PCNX4: variants seen among roughly 807,000 people sequenced by gnomAD.
The protein encoded by PCNX4 is pecanex 4.
In PCNX4, 103 loss-of-function variants were observed where a neutral mutation model predicts 107.2. That is an observed-to-expected ratio of 0.96 (90% confidence interval 0.82 to 1.13). The LOEUF is 1.13. PCNX4 is among the 50% of genes most tolerant of loss of function. The probability of loss-of-function intolerance (pLI) is 0.00; values close to 1 mark genes in which losing one functional copy is unlikely to be tolerated. For missense variants in PCNX4, 1,528 were observed against 1,379.4 expected (o/e 1.11, Z -1.71); for synonymous variants, 541 against 481.7 (o/e 1.12, Z -1.61).
chr14:60,117,367 A>T (rs75827170), intron 6 of PCNX4, among the ~76,000 whole-genome samples: 1 of 152,148 alleles, frequency 6.6e-6, no homozygotes, highest in African/African-American at 2.4e-5. Context: ...ACAGATGCCT[A>T]TGGTATTGAG....
chr14:60,132,493 G>A (rs1239677306), intron 10 of PCNX4, among the ~76,000 whole-genome samples: 2 of 152,074 alleles, frequency 1.3e-5, no homozygotes, highest in Middle Eastern at 3.4e-3. Flanking sequence ...AAACATAAGA[G>A]CCATAAAAAA....
At chr14:60,109,486 G>C (rs1274078394) in intron 2 of PCNX4, 1 of 166,084 alleles carries the variant, frequency 6.0e-6, no homozygotes, top group Non-Finnish European at 1.5e-5. Context: ...TCTTGCCCAG[G>C]CTGGAGTGCA....
chr14:60,103,723 A>G (rs1458262095), intron 1 of PCNX4, among the ~76,000 whole-genome samples: 1 of 152,090 alleles, frequency 6.6e-6, no homozygotes, highest in Admixed American at 6.5e-5. Context: ...CTGATGATGG[A>G]GATTAAAGCA....
chr14:60,113,873 T>C (rs1216030881), intron 2 of PCNX4, among the ~76,000 whole-genome samples: 1 of 152,220 alleles, frequency 6.6e-6, no homozygotes, highest in Non-Finnish European at 1.5e-5. Context: ...GTTTGTACTC[T>C]GTGCTTTAAA....
intron 1 of PCNX4, among the ~76,000 whole-genome samples, chr14:60,102,760 C>T (rs1895557125): frequency 6.6e-6 from 1 of 152,042 alleles, no homozygotes; most frequent in South Asian, 2.1e-4. Context: ...ATCAGTTCTT[C>T]TGGGAATTAA....
In PCNX4 at chr14:60,108,037, C is replaced by G. The variant is rs775508761; in HGVS notation, c.399C>G (p.Gly133=). 1 of 1,612,828 alleles carries G rather than the reference C, an allele frequency of 6.2e-7. No homozygotes were observed. The highest frequency in any genetic ancestry group is 8.5e-7 in the Non-Finnish European group (1 of 1,179,874). The change falls in exon 2 of 11, where the codon GGC becomes GGG. Residue 133 remains glycine (G), a synonymous_variant. Transcript: ENST00000406854. ...AGACTGTCAAATTTCTCATTCCTGG[C>G]AAGAAATATGTAGCCAATACAGTTT... ...GAETVKFLIP[G]KKYVANTVFH... is the part of the protein sequence containing the mutation.
At chr14:60,111,437 A>G (rs1019217671) in intron 2 of PCNX4, among the ~76,000 whole-genome samples, 3 of 152,352 alleles carry the variant, frequency 2.0e-5, no homozygotes, top group African/African-American at 7.2e-5. Flanking sequence ...TGACTATAAA[A>G]TATATTCCAG....
At chr14:60,118,268 T>A in intron 6 of PCNX4, 61 bp from the exon 7 acceptor site, 2 of 1,467,072 alleles carry the variant, frequency 1.4e-6, no homozygotes, top group Non-Finnish European at 9.0e-7. Flanking sequence ...TCTTATATGA[T>A]CTTGAAAATT....
In PCNX4 at chr14:60,144,777, C is replaced by CT. The variant is rs2140581142; in HGVS notation, c.*10562dup. ...CCAAGAATATAGTATGAGTTAATAC[C>CT]TTTTTTGCAAGATTCATGGCAATCT... On this transcript the variant is annotated 3_prime_UTR_variant, in exon 11 of 11. Transcript: ENST00000406854. 1 of 584,362 alleles carries CT rather than the reference C, an allele frequency of 1.7e-6. No individual in the cohort carries two copies. The highest frequency in any genetic ancestry group is 3.0e-5 in the Admixed American group (1 of 33,028). The allele number at this position is 584,362 out of a possible 1,614,324, so 36.2% of individuals were successfully genotyped here. A position where few individuals can be genotyped will look rare whatever the true frequency, so the allele number is the denominator to read the frequency against.
At chr14:60,094,984 TAAAAG>T (rs1343482597) in intron 1 of PCNX4, among the ~76,000 whole-genome samples, 1 of 152,178 alleles carries the variant, frequency 6.6e-6, no homozygotes, top group African/African-American at 2.4e-5. Context: ...TACTTGATTT[TAAAAG>T]AAAAGTTTTT....
chr14:60,106,835 T>C (rs1887062550), intron 1 of PCNX4, among the ~76,000 whole-genome samples: 2 of 152,210 alleles, frequency 1.3e-5, no homozygotes, highest in South Asian at 4.1e-4. Flanking sequence ...AGTAATACTT[T>C]GCTAGCTGGT....
intron 8 of PCNX4, among the ~76,000 whole-genome samples, chr14:60,123,178 A>C (rs138173882): frequency 4.5e-4 from 68 of 152,298 alleles, no homozygotes; most frequent in Admixed American, 1.2e-3. Flanking sequence ...ATAATACCTA[A>C]TAATGTTGAT....
rs182373814 is a variant in PCNX4, at chr14:60,121,400, T to G, written c.2046+101T>G. ...ACACTCAATTTGAAAGAAGAATATC[T>G]TTTCAATTACCTGTGAAAACACCTA... On this transcript the variant is annotated intron_variant, in intron 8 of 10. Transcript: ENST00000406854. 3.2e-6 allele frequency: 4 copies of G among 1,249,120 alleles called. No homozygotes were observed. In the East Asian group the frequency reaches 9.9e-5, roughly 31 times the overall value. 77.4% of individuals were successfully genotyped at this position (1,249,120 alleles called of 1,614,324 possible).
chr14:60,127,712 G>A (rs1209583555), intron 10 of PCNX4, among the ~76,000 whole-genome samples: 1 of 152,212 alleles, frequency 6.6e-6, no homozygotes, highest in Non-Finnish European at 1.5e-5. Context: ...TCAACAAAAA[G>A]TTGAGATATG....
intron 1 of PCNX4, 39 bp from the exon 2 acceptor site, chr14:60,107,547 A>G (rs1198251819): frequency 8.0e-6 from 9 of 1,132,050 alleles, no homozygotes; most frequent in Middle Eastern, 2.7e-4. Flanking sequence ...TTTAAATGAC[A>G]TTTTCAAACA....
At chr14:60,118,308 A>C (rs1895888885) in intron 6 of PCNX4, 21 bp from the exon 7 acceptor site, 1 of 1,539,698 alleles carries the variant, frequency 6.5e-7, no homozygotes, top group Admixed American at 2.1e-5. Context: ...ATAAATAAAA[A>C]TAATTTTTAC....
At chr14:60,100,782 T>C (rs545430211) in intron 1 of PCNX4, among the ~76,000 whole-genome samples, 1 of 152,212 alleles carries the variant, frequency 6.6e-6, no homozygotes, top group Non-Finnish European at 1.5e-5. Context: ...AATCTGACTC[T>C]GGCATAACAA....
At chr14:60,107,410 G>C (rs1895648605) in intron 1 of PCNX4, among the ~76,000 whole-genome samples, 176 bp from the exon 2 acceptor site, 1 of 152,108 alleles carries the variant, frequency 6.6e-6, no homozygotes, top group African/African-American at 2.4e-5. Flanking sequence ...TATTGGTTTT[G>C]TTTATAAAAA....
Position 60,115,926 on chromosome 14 carries a change from A to G in PCNX4, c.1459-15A>G, listed in dbSNP as rs749789713. 1.2e-6 allele frequency: 2 copies of G among 1,602,448 alleles called. No homozygotes were observed. Among genetic ancestry groups the G allele is most frequent in the Non-Finnish European group, 1.7e-6 (2 of 1,173,856 alleles). ...TAATTCTACCTGATAAAAATGGATA[A>G]TTTGTATACTGCAGGTATGGCAGAA... On this transcript the variant is annotated splice_polypyrimidine_tract_variant and intron_variant, in intron 5 of 10. Transcript: ENST00000406854.
Sources: allele counts gnomAD v4.1 joint callset (sites outside exome capture counted in the v4.1 genomes callset), GRCh38; gene constraint gnomAD v4.1.1; transcripts MANE v1.5; gene names NCBI Gene and HGNC (gene_info 2026-07-23, HGNC 2026-07-21).